ANXA8: variants seen among roughly 807,000 people sequenced by gnomAD.
The protein encoded by ANXA8 is VAC-beta.
A neutral mutation model predicts 26.8 loss-of-function variants in ANXA8; 9 were observed. The observed-to-expected ratio is 0.34, with a 90% CI of 0.20 to 0.59. The LOEUF (loss-of-function observed/expected upper bound fraction) is 0.59, where lower values mean the gene tolerates loss of function less well. Among genes scored for constraint, ANXA8 ranks in the 20% least tolerant of loss-of-function variants. ANXA8 has a pLI of 0.84. For synonymous variants in ANXA8, 39 were observed against 94.8 expected (o/e 0.41, Z 3.42); for missense variants, 83 against 238.5 (o/e 0.35, Z 4.29).
the ANXA8 span, among the ~76,000 whole-genome samples, chr10:47,665,475 CA>C: frequency 2.0e-5 from 3 of 151,114 alleles, no homozygotes; most frequent in Non-Finnish European, 4.4e-5. Context: ...TGTATTTCTC[CA>C]TTGAAACAGT....
the ANXA8 span, among the ~76,000 whole-genome samples, chr10:47,734,459 G>T: frequency 1.4e-5 from 2 of 147,412 alleles, no homozygotes; most frequent in African/African-American, 5.2e-5. Context: ...CTGGTTGGTT[G>T]CAGAGTGAGC....
At chr10:47,951,696 C>T in the ANXA8 span, among the ~76,000 whole-genome samples, 3 of 149,570 alleles carry the variant, frequency 2.0e-5, no homozygotes, top group Middle Eastern at 3.4e-3. Context: ...ATGTAATCCC[C>T]GCTACTCAGG....
At chr10:47,655,424 C>T in the ANXA8 span, among the ~76,000 whole-genome samples, 710 of 151,872 alleles carry the variant, frequency 4.7e-3, 3 homozygotes, top group African/African-American at 0.016. Context: ...TTGGATTGGT[C>T]TTGGCCTGGG....
chr10:47,565,890 T>A, the ANXA8 span: 2 of 1,415,256 alleles, frequency 1.4e-6, no homozygotes, highest in Non-Finnish European at 1.8e-6. Context: ...GATTCGCACT[T>A]CAAGTGCTGC....
the ANXA8 span, chr10:47,710,301 C>T: frequency 1.6e-6 from 2 of 1,262,044 alleles, no homozygotes; most frequent in African/African-American, 3.4e-5. Context: ...CAGAGATCTT[C>T]CTCCGAGACA....
At chr10:47,664,575 A>T in the ANXA8 span, among the ~76,000 whole-genome samples, 1 of 150,462 alleles carries the variant, frequency 6.6e-6, no homozygotes, top group Non-Finnish European at 1.5e-5. Flanking sequence ...TCTCAAAATA[A>T]TAATAATAAT....
the ANXA8 span, chr10:47,986,683 G>C: frequency 2.8e-6 from 1 of 359,846 alleles, no homozygotes; most frequent in Middle Eastern, 1.0e-3. Context: ...TCAACACAAC[G>C]CGTCACTCCG....
At chr10:47,719,169 T>C in the ANXA8 span, among the ~76,000 whole-genome samples, 1 of 132,254 alleles carries the variant, frequency 7.6e-6, no homozygotes, top group African/African-American at 2.8e-5. Flanking sequence ...TTTTTTTTTT[T>C]TTTTTTTTGA....
the ANXA8 span, among the ~76,000 whole-genome samples, chr10:47,940,702 G>A: frequency 0.015 from 2,227 of 146,712 alleles, 34 homozygotes; most frequent in African/African-American, 0.055. Flanking sequence ...GGTGGTGGGC[G>A]TCTGTAATCC....
chr10:47,641,155 T>C, the ANXA8 span, among the ~76,000 whole-genome samples: 1 of 151,150 alleles, frequency 6.6e-6, no homozygotes, highest in Non-Finnish European at 1.5e-5. Context: ...ATCTACTTCA[T>C]AAAATTGTGA....
At chr10:47,708,891 G>T in the ANXA8 span, among the ~76,000 whole-genome samples, 1 of 149,878 alleles carries the variant, frequency 6.7e-6, no homozygotes, top group South Asian at 2.1e-4. Context: ...ATAATTTGAT[G>T]TCAGAGATGT....
At chr10:47,975,681 A>C in the ANXA8 span, among the ~76,000 whole-genome samples, 1 of 151,190 alleles carries the variant, frequency 6.6e-6, no homozygotes, top group Non-Finnish European at 1.5e-5. Context: ...AAATGATATC[A>C]GATTTCAAAG....
chr10:47,939,602 C>T, the ANXA8 span, among the ~76,000 whole-genome samples: 248 of 145,532 alleles, frequency 1.7e-3, 16 homozygotes, highest in Admixed American at 2.7e-3. Flanking sequence ...GACGCCTCCA[C>T]GGCATGTTCC....
At chr10:47,755,145 C>G in the ANXA8 span, among the ~76,000 whole-genome samples, 2 of 151,374 alleles carry the variant, frequency 1.3e-5, no homozygotes, top group Non-Finnish European at 2.9e-5. Context: ...TTAGTACAGA[C>G]AGAATTTTAC....
At chr10:47,493,735 C>T in the ANXA8 span, among the ~76,000 whole-genome samples, 6 of 150,802 alleles carry the variant, frequency 4.0e-5, no homozygotes, top group Non-Finnish European at 7.4e-5. Flanking sequence ...CTGCCCTTCC[C>T]CCCACCCCCT....
At chr10:47,591,570 A>G in the ANXA8 span, among the ~76,000 whole-genome samples, 1 of 141,648 alleles carries the variant, frequency 7.1e-6, no homozygotes, top group South Asian at 2.1e-4. Context: ...CAGCCTCCCA[A>G]GTAGCTGGGA....
chr10:47,536,720 G>A, the ANXA8 span, among the ~76,000 whole-genome samples: 14 of 125,350 alleles, frequency 1.1e-4, 2 homozygotes, highest in Admixed American at 4.7e-4. Context: ...TACACAGGAC[G>A]CTGAGAGGGA....
the ANXA8 span, among the ~76,000 whole-genome samples, chr10:47,589,783 C>T: frequency 6.9e-6 from 1 of 145,248 alleles, no homozygotes; most frequent in Non-Finnish European, 1.5e-5. Context: ...TGCCTTGGTT[C>T]TACCTTTTCA....
At chr10:47,675,327 A>G in the ANXA8 span, among the ~76,000 whole-genome samples, 1 of 149,866 alleles carries the variant, frequency 6.7e-6, no homozygotes, top group South Asian at 2.1e-4. Context: ...CTCCTGCTCC[A>G]ATAGTGAGAA....
Sources: allele counts gnomAD v4.1 joint callset (sites outside exome capture counted in the v4.1 genomes callset), GRCh38; gene constraint gnomAD v4.1.1; transcripts MANE v1.5; gene names NCBI Gene and HGNC (gene_info 2026-07-23, HGNC 2026-07-21).